Variants in TRAK2 observed in about 807,000 individuals in gnomAD.
TRAK2 encodes the protein trafficking kinesin protein 2, also known as trafficking kinesin-binding protein 2.
TRAK2 carries 81 observed loss-of-function variants against 104.6 expected under a neutral mutation model. The ratio of observed to expected loss-of-function variants is 0.77; its 90% CI spans 0.65 to 0.93. The LOEUF is 0.93. Ranked by LOEUF, TRAK2 falls within the 40% of genes least tolerant of loss-of-function variation. The pLI is 0.00. For missense variants in TRAK2, 1,002 were observed against 1,089.0 expected, an observed-to-expected ratio of 0.92 and a Z score of 1.12; for synonymous variants, 406 against 394.4, an observed-to-expected ratio of 1.03 and a Z score of -0.35.
In TRAK2 at chr2:201,382,337, T is replaced by C. The variant is rs1190162732; in HGVS notation, c.2070-1119A>G. Among the ~76,000 whole-genome samples the C allele has an allele frequency of 2.6e-5, 4 of 152,168 alleles. No individual in the cohort carries two copies. The East Asian group carries it at 5.8e-4, about 22-fold the overall frequency. On this transcript the variant is annotated intron_variant, in intron 15 of 15. Transcript: ENST00000332624. Reference sequence around the variant, plus strand: ...AACATAAAATACTCAATATATTAAATATCAAGATATCAAAAATTTTAAAGA... The same window carrying C: ...AACATAAAATACTCAATATATTAAACATCAAGATATCAAAAATTTTAAAGA...
In TRAK2 at chr2:201,386,389, G is replaced by C; in HGVS notation, c.1792C>G (p.Gln598Glu). The C allele has an allele frequency of 6.2e-7, 1 of 1,614,148 alleles. No homozygotes were observed. Among genetic ancestry groups the C allele is most frequent in the Non-Finnish European group, 8.5e-7 (1 of 1,180,022 alleles). The change falls in exon 14 of 16, where the codon CAG becomes GAG. Residue 598 changes from glutamine (Q) to glutamate (E), a missense_variant. Coordinates refer to ENST00000332624, the MANE Select transcript of TRAK2 (RefSeq NM_015049.3). ...TGATAAATAGCATCCCCGGGCAACTGGGTAAAGCCTTTAGTAATGACACCT... is the reference window on the plus strand; with the variant it reads ...TGATAAATAGCATCCCCGGGCAACTCGGTAAAGCCTTTAGTAATGACACCT... ...RPGVITKGFT[Q>E]LPGDAIYHIS... is the part of the protein sequence containing the mutation.
In TRAK2 at chr2:201,393,054, A is replaced by G; in HGVS notation, c.976-8T>C. On this transcript the variant is annotated splice_region_variant and splice_polypyrimidine_tract_variant and intron_variant, in intron 9 of 15. Transcript: ENST00000332624. The stretch of plus-strand genomic sequence containing the variant: ...GTCTTGTAACTCGTGCAGCTAAAAG[A>G]AAGGATGGTAGTGTACTTTATTGCC... The G allele has an allele frequency of 6.2e-7, 1 of 1,608,184 alleles. No individual in the cohort carries two copies. Among genetic ancestry groups the G allele is most frequent in the Non-Finnish European group, 8.5e-7 (1 of 1,177,062 alleles).
Position 201,384,220 on chromosome 2 carries a change from A to G in TRAK2, c.1964-4T>C. ...TTTCCTGGGTTGGCGGTTGCAACTG[A>G]AATAGATTTTTAGGGAGCAAATACA... On this transcript the variant is annotated splice_polypyrimidine_tract_variant and splice_region_variant and intron_variant, in intron 14 of 15. Coordinates refer to ENST00000332624, the MANE Select transcript of TRAK2 (RefSeq NM_015049.3). The G allele has an allele frequency of 6.2e-7, 1 of 1,610,400 alleles. No individual in the cohort carries two copies. Among genetic ancestry groups the G allele is most frequent in the Non-Finnish European group, 8.5e-7 (1 of 1,177,970 alleles).
intron 1 of TRAK2, among the ~76,000 whole-genome samples, chr2:201,438,387 G>C (rs1006484629): frequency 2.6e-5 from 4 of 152,274 alleles, no homozygotes; most frequent in East Asian, 1.9e-4. Context: ...GTACTTACTA[G>C]GTGCCAGGCA....
At chr2:201,410,757 C>G in intron 2 of TRAK2, 2 of 1,579,690 alleles carry the variant, frequency 1.3e-6, no homozygotes, top group Non-Finnish European at 1.7e-6. Flanking sequence ...GATTTGGTTT[C>G]TGTTGTGATA....
At chr2:201,382,367 G>A (rs1457354774) in intron 15 of TRAK2, among the ~76,000 whole-genome samples, 2 of 152,090 alleles carry the variant, frequency 1.3e-5, no homozygotes, top group Non-Finnish European at 2.9e-5. Flanking sequence ...TAAAGATTAT[G>A]AACAAAATGT....
intron 6 of TRAK2, 51 bp downstream of exon 6, chr2:201,398,094 G>T: frequency 6.4e-7 from 1 of 1,554,948 alleles, no homozygotes; most frequent in Middle Eastern, 1.9e-4. Context: ...ACCTGGACCT[G>T]AACTTTATAG....
chr2:201,388,980 T>C (rs1357991512), intron 12 of TRAK2, among the ~76,000 whole-genome samples: 1 of 151,868 alleles, frequency 6.6e-6, no homozygotes, highest in Non-Finnish European at 1.5e-5. Flanking sequence ...AAACAGAAAA[T>C]CGACAGCACC....
Position 201,381,220 on chromosome 2 carries a change from T to TA in TRAK2, c.2070-3_2070-2insT. The TA allele has an allele frequency of 6.7e-7, 1 of 1,481,488 alleles. No homozygotes were observed. Among genetic ancestry groups the TA allele is most frequent in the African/African-American group, 1.6e-5 (1 of 62,390 alleles). 91.8% of individuals were successfully genotyped at this position (1,481,488 alleles called of 1,614,324 possible). A position where few individuals can be genotyped will look rare whatever the true frequency, so the allele number is the denominator to read the frequency against. ...CAGGATAATGAAGGGAACCCAGAGC[T>TA]TAAAAAAAAAAAAAAAAAGTGGGAG... On this transcript the variant is annotated splice_polypyrimidine_tract_variant and splice_region_variant and intron_variant, in intron 15 of 15. Coordinates refer to ENST00000332624, the MANE Select transcript of TRAK2 (RefSeq NM_015049.3).
Position 201,425,732 on chromosome 2 carries a change from TG to T in TRAK2, c.-199-5027del, listed in dbSNP as rs1395027526. On this transcript the variant is annotated intron_variant, in intron 1 of 15. Transcript: ENST00000332624. ...AGCATTGCTTTTTTTTTTTAAATAA[TG>T]TTATATACTTGTTTGTGAAGAGAGA... is the stretch of plus-strand genomic sequence containing the variant. 2.3e-4 allele frequency among the ~76,000 whole-genome samples: 34 copies of T among 149,600 alleles called. No individual in the cohort carries two copies. In the East Asian group the frequency reaches 6.4e-3, roughly 28 times the overall value.
intron 1 of TRAK2, among the ~76,000 whole-genome samples, chr2:201,440,795 A>G (rs10207914): frequency 0.046 from 7,056 of 152,316 alleles, 280 homozygotes; most frequent in African/African-American, 0.11. Context: ...GGTCATCGCC[A>G]AAGTCTGATT....
At chr2:201,408,723 G>T (rs1163316253) in intron 2 of TRAK2, among the ~76,000 whole-genome samples, 1 of 152,120 alleles carries the variant, frequency 6.6e-6, no homozygotes, top group Non-Finnish European at 1.5e-5. Flanking sequence ...CAACTTACAT[G>T]CCTGGGGGAA....
chr2:201,418,560 AT>A lies in TRAK2; in HGVS notation c.91+1856del, dbSNP rs372444443. ...ATTACAGCAAATAAGACAATGTGGT[AT>A]TTCTGTAAAGATAGACTTAGGGATT... On this transcript the variant is annotated intron_variant, in intron 2 of 15. Transcript: ENST00000332624. 6.2e-4 allele frequency among the ~76,000 whole-genome samples: 94 copies of A among 152,358 alleles called. 1 individual carries two copies. Among genetic ancestry groups the A allele is most frequent in the African/African-American group, 2.0e-3 (84 of 41,596 alleles).
intron 10 of TRAK2, 57 bp from the exon 11 acceptor site, chr2:201,389,937 C>T: frequency 1.5e-6 from 2 of 1,332,732 alleles, no homozygotes; most frequent in Non-Finnish European, 1.1e-6. Flanking sequence ...TTAACAGAGT[C>T]TCTACAATCC....
chr2:201,429,157 A>G (rs1365684997), intron 1 of TRAK2, among the ~76,000 whole-genome samples: 1 of 152,044 alleles, frequency 6.6e-6, no homozygotes, highest in African/African-American at 2.4e-5. Context: ...AATACCCTCT[A>G]TTTCTTTCTC....
intron 1 of TRAK2, among the ~76,000 whole-genome samples, chr2:201,448,238 G>A (rs1055414003): frequency 2.6e-5 from 4 of 152,248 alleles, no homozygotes; most frequent in Non-Finnish European, 5.9e-5. Context: ...CTGGTACACA[G>A]TAGGTTCTCA....
chr2:201,380,916 G>C lies in TRAK2; in HGVS notation c.2372C>G (p.Pro791Arg). The C allele has an allele frequency of 6.2e-7, 1 of 1,614,134 alleles. No individual in the cohort carries two copies. The highest frequency in any genetic ancestry group is 8.5e-7 in the Non-Finnish European group (1 of 1,180,002). ...PSHSPCPSPL[P>R]FEPRVHLSEN... ...AGAGAGATGCACTCGAGGCTCAAAGGGTAAAGGAGAAGGGCAAGGTGAGTG... is the reference window on the plus strand; with the variant it reads ...AGAGAGATGCACTCGAGGCTCAAAGCGTAAAGGAGAAGGGCAAGGTGAGTG... Residue 791 changes from proline to arginine, a missense_variant, in exon 16 of 16, where the codon CCC becomes CGC. Transcript: ENST00000332624.
At chr2:201,403,761 C>A (rs532145955) in intron 3 of TRAK2, among the ~76,000 whole-genome samples, 378 of 145,472 alleles carry the variant, frequency 2.6e-3, no homozygotes, top group African/African-American at 8.2e-3. Context: ...AAAAAAAAAA[C>A]CCACAAAAAC....
chr2:201,411,771 T>C (rs982033348), intron 2 of TRAK2: 5 of 790,676 alleles, frequency 6.3e-6, no homozygotes, highest in Non-Finnish European at 1.2e-5. Context: ...CTTATCCAAG[T>C]ATTCCAAAAT....
Sources: allele counts gnomAD v4.1 joint callset (sites outside exome capture counted in the v4.1 genomes callset), GRCh38; gene constraint gnomAD v4.1.1; transcripts MANE v1.5; gene names NCBI Gene and HGNC (gene_info 2026-07-23, HGNC 2026-07-21).